Variants in HNRNPA2B1 observed in about 807,000 individuals in gnomAD.
HNRNPA2B1 encodes heterogeneous nuclear ribonucleoprotein A2/B1.
Under a neutral mutation model 46.3 loss-of-function variants are expected in HNRNPA2B1, and 3 were observed. The observed-to-expected ratio is 0.06, with a 90% confidence interval of 0.03 to 0.17. The LOEUF (loss-of-function observed/expected upper bound fraction) is 0.17, where lower values mean the gene tolerates loss of function less well. Ranked by LOEUF, HNRNPA2B1 falls within the 10% of genes least tolerant of loss-of-function variation. The pLI is 1.00. For synonymous variants in HNRNPA2B1, 225 were observed against 133.8 expected (o/e 1.68, Z -4.70); for missense variants, 221 against 418.9 (o/e 0.53, Z 4.12).
chr7:26,197,145 G>C lies in HNRNPA2B1; in HGVS notation c.265-128C>G, dbSNP rs1212896212. On this transcript the variant is annotated intron_variant, in intron 3 of 10. Transcript: ENST00000618183. ...ACTACCAGATATAAAATAGCTTTTA[G>C]GGACCTAGCTTTTGAAAAATAAGCT... The C allele has an allele frequency of 2.7e-6, 3 of 1,109,684 alleles. No individual in the cohort carries two copies. In the South Asian group the frequency reaches 4.6e-5, roughly 17 times the overall value. 68.7% of individuals were successfully genotyped at this position (1,109,684 alleles called of 1,614,324 possible). A position where few individuals can be genotyped will look rare whatever the true frequency, so the allele number is the denominator to read the frequency against.
chr7:26,194,383 G>A (rs746340783), intron 7 of HNRNPA2B1, among the ~76,000 whole-genome samples: 1 of 151,348 alleles, frequency 6.6e-6, no homozygotes, highest in Non-Finnish European at 1.5e-5. Flanking sequence ...GCGACAGAGA[G>A]AGACTCCCTC....
chr7:26,196,690 T>C, intron 4 of HNRNPA2B1, 32 bp from the exon 5 acceptor site: 2 of 1,586,480 alleles, frequency 1.3e-6, no homozygotes, highest in South Asian at 2.2e-5. Context: ...CCTTTTAAAT[T>C]AAATCAACAA....
chr7:26,190,967 G>T lies in HNRNPA2B1; in HGVS notation c.*1393C>A, dbSNP rs1782846948. 6.6e-6 allele frequency: 1 copy of T among 152,572 alleles called. No individual in the cohort carries two copies. The highest frequency in any genetic ancestry group is 6.5e-5 in the Admixed American group (1 of 15,272). The allele number at this position is 152,572 out of a possible 1,614,324, so 9.5% of individuals were successfully genotyped here. Reference sequence around the variant, plus strand: ...ACGATGGGAAATCTCATGATTTATTGAACTTGCAGCCTAACTTTTACCTAC... The same window carrying T: ...ACGATGGGAAATCTCATGATTTATTTAACTTGCAGCCTAACTTTTACCTAC... On this transcript the variant is annotated 3_prime_UTR_variant, in exon 11 of 11. Transcript: ENST00000618183.
rs565325391 is a variant in HNRNPA2B1, at chr7:26,190,648, C to T, written c.*1712G>A. ...CTGATCATATCTAAGGAATGAATTT[C>T]AACAGCCAACCTACAACTTTCTCTT... On this transcript the variant is annotated 3_prime_UTR_variant, in exon 11 of 11. Transcript: ENST00000618183. 1 of 152,296 alleles carries T rather than the reference C, an allele frequency of 6.6e-6. No homozygotes were observed. The highest frequency in any genetic ancestry group is 2.1e-4 in the South Asian group (1 of 4,828). The allele number at this position is 152,296 out of a possible 1,614,324, so 9.4% of individuals were successfully genotyped here. A position where few individuals can be genotyped will look rare whatever the true frequency, so the allele number is the denominator to read the frequency against.
Position 26,197,307 on chromosome 7 carries a change from T to G in HNRNPA2B1, c.264+8A>C. On this transcript the variant is annotated splice_region_variant and intron_variant, in intron 3 of 10. Transcript: ENST00000618183. Reference sequence around the variant, plus strand: ...TGTTAATGCACAAGACAGTCATTGTTTGCTTACCTCTCTTGCTACAGCACG... The same window carrying G: ...TGTTAATGCACAAGACAGTCATTGTGTGCTTACCTCTCTTGCTACAGCACG... 1 of 1,602,544 alleles carries G rather than the reference T, an allele frequency of 6.2e-7. No homozygotes were observed. Among genetic ancestry groups the G allele is most frequent in the Non-Finnish European group, 8.5e-7 (1 of 1,173,832 alleles).
intron 9 of HNRNPA2B1, among the ~76,000 whole-genome samples, 190 bp downstream of exon 9, chr7:26,193,061 A>G (rs1783091237): frequency 6.6e-6 from 1 of 152,064 alleles, no homozygotes; most frequent in South Asian, 2.1e-4. Context: ...CCCTAATCCC[A>G]ATTTGATGTC....
At chr7:26,197,931 T>TTTAATGAA in intron 1 of HNRNPA2B1, 199 bp from the exon 2 acceptor site, 1 of 1,266,198 alleles carries the variant, frequency 7.9e-7, no homozygotes. Context: ...TTAGTTGTGT[T>TTTAATGAA]ACACCAAAAA....
intron 7 of HNRNPA2B1, among the ~76,000 whole-genome samples, chr7:26,195,477 G>C (rs1032485739): frequency 6.6e-6 from 1 of 151,800 alleles, no homozygotes; most frequent in African/African-American, 2.4e-5. Context: ...ATCTAGTTAC[G>C]GGTTTAGACA....
intron 1 of HNRNPA2B1, chr7:26,198,117 C>T (rs1783870460): frequency 2.8e-6 from 1 of 351,012 alleles, no homozygotes; most frequent in East Asian, 4.6e-5. Context: ...AATTTCAACC[C>T]TACAACCTAA....
At chr7:26,193,413 A>C (rs776257355) in intron 8 of HNRNPA2B1, 40 bp from the exon 9 acceptor site, 6 of 1,592,808 alleles carry the variant, frequency 3.8e-6, no homozygotes, top group African/African-American at 2.7e-5. Flanking sequence ...TACAAACATT[A>C]AACCAAGGAC....
At chr7:26,199,582 T>TA (rs1784112529) in intron 1 of HNRNPA2B1, 1 of 152,118 alleles carries the variant, frequency 6.6e-6, no homozygotes, top group Non-Finnish European at 1.5e-5. Flanking sequence ...CTCTACAACT[T>TA]AAACGGAATC....
Position 26,192,641 on chromosome 7 carries a change from C to G in HNRNPA2B1, c.965-64G>C, listed in dbSNP as rs1783029487. 3 of 1,295,370 alleles carry G rather than the reference C, an allele frequency of 2.3e-6. No individual in the cohort carries two copies. In the South Asian group the frequency reaches 3.6e-5, roughly 15 times the overall value. 80.2% of individuals were successfully genotyped at this position (1,295,370 alleles called of 1,614,324 possible). A position where few individuals can be genotyped will look rare whatever the true frequency, so the allele number is the denominator to read the frequency against. On this transcript the variant is annotated intron_variant, in intron 9 of 10. Transcript: ENST00000618183. ...TTGATTTCCCATGATCAGCCTAACA[C>G]TACAGTTGATTCTATTTTATATCCA...
chr7:26,194,689 T>C (rs1222111202), intron 7 of HNRNPA2B1, among the ~76,000 whole-genome samples: 1 of 151,512 alleles, frequency 6.6e-6, no homozygotes, highest in African/African-American at 2.4e-5. Flanking sequence ...CCAGACCCCA[T>C]TTCAAAGAAA....
chr7:26,194,992 G>A (rs935375429), intron 7 of HNRNPA2B1, among the ~76,000 whole-genome samples: 7 of 150,878 alleles, frequency 4.6e-5, no homozygotes, highest in African/African-American at 1.7e-4. Flanking sequence ...TACTCAGGAG[G>A]CTGAGGCAGG....
chr7:26,199,824 G>A (rs1286503591), intron 1 of HNRNPA2B1: 2 of 152,004 alleles, frequency 1.3e-5, no homozygotes, highest in Non-Finnish European at 2.9e-5. Flanking sequence ...CCGGCCCGAC[G>A]CCCTGGGTGG....
At chr7:26,195,964 T>C (rs890501820) in intron 6 of HNRNPA2B1, 55 bp from the exon 7 acceptor site, 2 of 1,543,316 alleles carry the variant, frequency 1.3e-6, no homozygotes, top group South Asian at 1.2e-5. Flanking sequence ...GCATTATTGC[T>C]AATATTCATT....
Position 26,197,340 on chromosome 7 carries a change from T to A in HNRNPA2B1, c.239A>T (p.Glu80Val). Residue 80 changes from glutamate to valine, a missense_variant, in exon 3 of 11, where the codon GAG becomes GTG. Glu to Val is a moderately radical substitution (Grantham distance 121, BLOSUM62 -2). Coordinates refer to ENST00000618183, the MANE Select transcript of HNRNPA2B1 (RefSeq NM_002137.4). ...CTCTCTTGCTACAGCACGTTTTGGC[T>A]CAACTACTCTCCCATCAATTGAATG... ...RPHSIDGRVV[E>V]PKRAVAREES... 6.2e-7 allele frequency: 1 copy of A among 1,613,260 alleles called. No individual in the cohort carries two copies. Among genetic ancestry groups the A allele is most frequent in the Non-Finnish European group, 8.5e-7 (1 of 1,179,512 alleles).
At chr7:26,193,822 C>A in intron 7 of HNRNPA2B1, 128 bp from the exon 8 acceptor site, 1 of 810,678 alleles carries the variant, frequency 1.2e-6, no homozygotes, top group Non-Finnish European at 1.9e-6. Context: ...TCTAAAATAG[C>A]TTCAAGGACT....
chr7:26,192,671 G>T, intron 9 of HNRNPA2B1, 94 bp from the exon 10 acceptor site: 2 of 1,037,054 alleles, frequency 1.9e-6, no homozygotes, highest in Non-Finnish European at 3.0e-6. Flanking sequence ...TATCCATCCA[G>T]TCTTTTAAAC....
Sources: allele counts gnomAD v4.1 joint callset (sites outside exome capture counted in the v4.1 genomes callset), GRCh38; gene constraint gnomAD v4.1.1; transcripts MANE v1.5; gene names NCBI Gene and HGNC (gene_info 2026-07-23, HGNC 2026-07-21).